PSEN1: variants seen among roughly 807,000 people sequenced by gnomAD.
PSEN1 encodes the protein presenilin-1.
Under a neutral mutation model 53.5 loss-of-function variants are expected in PSEN1, and 15 were observed. The ratio of observed to expected loss-of-function variants is 0.28; its 90% CI spans 0.19 to 0.43. The LOEUF is 0.43. Among genes scored for constraint, PSEN1 ranks in the 20% least tolerant of loss-of-function variants. The pLI, the probability that PSEN1 is intolerant of heterozygous loss-of-function variation, is 1.00. For synonymous variants in PSEN1, 208 were observed against 209.8 expected, an observed-to-expected ratio of 0.99 and a Z score of 0.08; for missense variants, 387 against 571.2, an observed-to-expected ratio of 0.68 and a Z score of 3.29.
intron 1 of PSEN1, among the ~76,000 whole-genome samples, chr14:73,141,803 C>T (rs1566614223): frequency 6.6e-6 from 1 of 151,418 alleles, no homozygotes; most frequent in African/African-American, 2.4e-5. Flanking sequence ...TGCCGTGGCT[C>T]ACGCCTGTAA....
At chr14:73,200,880 G>A (rs1452996498) in intron 8 of PSEN1, among the ~76,000 whole-genome samples, 2 of 151,884 alleles carry the variant, frequency 1.3e-5, no homozygotes, top group African/African-American at 4.8e-5. Context: ...GTGAAACTCT[G>A]TCTTTACTAA....
intron 1 of PSEN1, among the ~76,000 whole-genome samples, chr14:73,143,433 G>C (rs72734454): frequency 6.6e-6 from 1 of 152,308 alleles, no homozygotes; most frequent in Non-Finnish European, 1.5e-5. Flanking sequence ...CACTCTCTCT[G>C]TAACTCTGTG....
intron 3 of PSEN1, among the ~76,000 whole-genome samples, chr14:73,156,396 A>G (rs1054535939): frequency 1.3e-5 from 2 of 151,086 alleles, no homozygotes; most frequent in African/African-American, 4.8e-5. Context: ...AAATAAAAAT[A>G]ATATTTTGAA....
At chr14:73,189,873 C>T (rs1595030436) in intron 6 of PSEN1, 1 of 222,196 alleles carries the variant, frequency 4.5e-6, no homozygotes, top group Admixed American at 5.1e-5. Context: ...TTGACCTTTA[C>T]CATGTGTTGG....
intron 8 of PSEN1, among the ~76,000 whole-genome samples, chr14:73,201,175 G>A (rs1019923055): frequency 2.0e-4 from 31 of 152,096 alleles, no homozygotes; most frequent in African/African-American, 6.7e-4. Flanking sequence ...TGCAAGCTCC[G>A]CCTCCTGGGT....
chr14:73,154,281 T>TA (rs1258785849), intron 3 of PSEN1, among the ~76,000 whole-genome samples: 2 of 152,150 alleles, frequency 1.3e-5, no homozygotes, highest in Non-Finnish European at 2.9e-5. Context: ...CCTAAATTCA[T>TA]ATTCAACTAC....
chr14:73,183,478 G>A (rs969924000), intron 5 of PSEN1, among the ~76,000 whole-genome samples: 9 of 152,056 alleles, frequency 5.9e-5, no homozygotes, highest in African/African-American at 1.9e-4. Context: ...GGGTACTTGA[G>A]ATTAGGGAGT....
rs201219181 is a variant in PSEN1, at chr14:73,219,647, C to T, written c.*358C>T. On this transcript the variant is annotated 3_prime_UTR_variant, in exon 12 of 12. Transcript: ENST00000324501. The stretch of plus-strand genomic sequence containing the variant: ...TCACTGACACTGCGAACTCTCAGGA[C>T]TACCGTTACCAAGAGGTTAGGTGAA... 6 of 334,268 alleles carry T rather than the reference C, an allele frequency of 1.8e-5. No homozygotes were observed. The highest frequency in any genetic ancestry group is 1.3e-4 in the Admixed American group (3 of 22,920). 20.7% of individuals were successfully genotyped at this position (334,268 alleles called of 1,614,324 possible).
At chr14:73,185,762 G>T (rs1039096060) in intron 5 of PSEN1, among the ~76,000 whole-genome samples, 5 of 152,148 alleles carry the variant, frequency 3.3e-5, no homozygotes, top group African/African-American at 9.7e-5. Context: ...TATTGGCCAG[G>T]CTGGTCTTGA....
chr14:73,194,244 T>C (rs1044120275), intron 7 of PSEN1, among the ~76,000 whole-genome samples: 1 of 151,932 alleles, frequency 6.6e-6, no homozygotes, highest in Non-Finnish European at 1.5e-5. Context: ...ATACTCTTTT[T>C]TTTTTCTTTT....
At chr14:73,179,154 TGTG>T (rs1898129771) in intron 5 of PSEN1, among the ~76,000 whole-genome samples, 1 of 152,136 alleles carries the variant, frequency 6.6e-6, no homozygotes, top group African/African-American at 2.4e-5. Flanking sequence ...AGGGCCAAAA[TGTG>T]GGAGGAGAGA....
At chr14:73,172,342 G>A (rs1268357386) in intron 4 of PSEN1, among the ~76,000 whole-genome samples, 1 of 152,216 alleles carries the variant, frequency 6.6e-6, no homozygotes, top group Non-Finnish European at 1.5e-5. Context: ...CCTTTTGGGA[G>A]AGCATCTAAG....
intron 3 of PSEN1, among the ~76,000 whole-genome samples, chr14:73,148,870 T>A (rs1306449817): frequency 1.3e-5 from 2 of 151,304 alleles, no homozygotes; most frequent in African/African-American, 2.4e-5. Flanking sequence ...GAGGTGGAGG[T>A]TACAGTGAGC....
At chr14:73,157,523 T>A (rs2140000910) in intron 3 of PSEN1, among the ~76,000 whole-genome samples, 1 of 152,296 alleles carries the variant, frequency 6.6e-6, no homozygotes, top group Admixed American at 6.5e-5. Context: ...GTGTGATGTT[T>A]TGATATATAT....
rs140064975 is a variant in PSEN1 at position 73,192,748 on chromosome 14, C to T, written c.653C>T (p.Pro218Leu). The change falls in exon 7 of 12, where the codon CCA (proline) becomes CTA (leucine). Residue 218 changes from proline (P) to leucine (L), a missense_variant. Pro to Leu is a moderately conservative substitution (Grantham distance 98). Transcript: ENST00000324501. ...ATGATTTCCATTCACTGGAAAGGTC[C>T]ACTTCGACTCCAGCAGGCATATCTC... ...VGMISIHWKG[P>L]LRLQQAYLIM... is the part of the protein sequence containing the mutation. The T allele has an allele frequency of 3.7e-6, 6 of 1,613,780 alleles. No individual in the cohort carries two copies. The highest frequency in any genetic ancestry group is 5.1e-6 in the Non-Finnish European group (6 of 1,179,838).
intron 3 of PSEN1, chr14:73,168,492 T>C (rs1329145153): frequency 6.6e-6 from 1 of 152,160 alleles, no homozygotes; most frequent in Non-Finnish European, 1.5e-5. Flanking sequence ...TGAGTGTTGG[T>C]GATACAAGTG....
intron 5 of PSEN1, among the ~76,000 whole-genome samples, chr14:73,184,898 C>T (rs1254330164): frequency 1.1e-4 from 15 of 139,366 alleles, no homozygotes; most frequent in Non-Finnish European, 1.7e-4. Context: ...ACGGGGCGGC[C>T]GGGCAGAGAT....
chr14:73,144,363 A>G (rs1308756199), intron 1 of PSEN1, among the ~76,000 whole-genome samples: 2 of 152,150 alleles, frequency 1.3e-5, no homozygotes, highest in Non-Finnish European at 2.9e-5. Context: ...TTAAAAAAAC[A>G]TAAATACTAG....
At position 73,198,005 on chromosome 14, in the gene PSEN1, T is replaced by A. The variant is rs768409524; in HGVS notation, c.770-26T>A. 3.9e-6 allele frequency: 5 copies of A among 1,278,232 alleles called. No individual in the cohort carries two copies. The South Asian group carries it at 6.0e-5, about 15-fold the overall frequency. The allele number at this position is 1,278,232 out of a possible 1,614,324, so 79.2% of individuals were successfully genotyped here. ...AGTTTAGCCCATACATTTTATTAGA[T>A]GTCTTTTATGTTTTTCTTTTTCTAG... On this transcript the variant is annotated intron_variant, in intron 7 of 11. Transcript: ENST00000324501.
Sources: gnomAD v4.1 joint callset for allele counts (sites outside exome capture counted in the v4.1 genomes callset) on GRCh38, gnomAD v4.1.1 for gene constraint, MANE v1.5 for transcripts, NCBI Gene and HGNC (gene_info 2026-07-23, HGNC 2026-07-21) for gene names.